CTIF: variants seen among roughly 807,000 people sequenced by gnomAD.
CTIF encodes the protein cap binding complex dependent translation initiation factor, also known as CBP80/20-dependent translation initiation factor.
CTIF carries 21 observed loss-of-function variants against 66.0 expected under a neutral mutation model. That is an observed-to-expected ratio of 0.32 (90% confidence interval 0.23 to 0.46). The LOEUF (loss-of-function observed/expected upper bound fraction) is 0.46. CTIF is among the 20% of genes least tolerant of loss of function. CTIF has a pLI of 1.00. For synonymous variants in CTIF, 345 were observed against 326.4 expected (o/e 1.06, Z -0.62); for missense variants, 739 against 812.7 (o/e 0.91, Z 1.10).
chr18:48,681,759 C>A lies in CTIF; in HGVS notation c.507+11015C>A, dbSNP rs1022794786. On this transcript the variant is annotated intron_variant, in intron 6 of 11. Transcript: ENST00000256413. ...CCCACCTCATCCACCTGCCTGCCTG[C>A]CCCACACCTGGTTTTTGTTTGTTTG... is the stretch of plus-strand genomic sequence containing the variant. Among the ~76,000 whole-genome samples the A allele has an allele frequency of 5.3e-5, 8 of 152,028 alleles. No individual in the cohort carries two copies. The East Asian group carries it at 1.5e-3, about 29-fold the overall frequency.
At chr18:48,768,074 C>T (rs1306319618) in intron 9 of CTIF, among the ~76,000 whole-genome samples, 6 of 152,086 alleles carry the variant, frequency 3.9e-5, no homozygotes, top group African/African-American at 1.4e-4. Context: ...TGTTTTCAGG[C>T]TTGGGAAGAA....
chr18:48,695,911 C>A lies in CTIF; in HGVS notation c.508-15708C>A, dbSNP rs530101620. Reference sequence around the variant, plus strand: ...TCCTGCCATTGTTGGGCTGTCTCCTCCGCATGTGACTCGGCTCAAAGATGC... The same window carrying A: ...TCCTGCCATTGTTGGGCTGTCTCCTACGCATGTGACTCGGCTCAAAGATGC... On this transcript the variant is annotated intron_variant, in intron 6 of 11. Coordinates refer to ENST00000256413, the MANE Select transcript of CTIF (RefSeq NM_014772.3). 4.6e-5 allele frequency among the ~76,000 whole-genome samples: 7 copies of A among 152,352 alleles called. 1 individual carries two copies. In the South Asian group the frequency reaches 1.5e-3, roughly 32 times the overall value.
chr18:48,653,005 A>C (rs1270357837), intron 3 of CTIF, among the ~76,000 whole-genome samples: 1 of 152,200 alleles, frequency 6.6e-6, no homozygotes, highest in Non-Finnish European at 1.5e-5. Flanking sequence ...ATCTATGACA[A>C]ACCCACAGCC....
intron 1 of CTIF, among the ~76,000 whole-genome samples, chr18:48,619,274 CTGCACAG>C (rs1426518985): frequency 6.6e-6 from 1 of 152,244 alleles, no homozygotes. Flanking sequence ...AACTCTGACA[CTGCACAG>C]TGCCTGTGCT....
intron 6 of CTIF, among the ~76,000 whole-genome samples, chr18:48,681,091 C>T (rs957790559): frequency 3.3e-5 from 5 of 152,258 alleles, no homozygotes; most frequent in African/African-American, 1.2e-4. Flanking sequence ...GTTTTTCCAG[C>T]ATTGCAGCGG....
chr18:48,750,701 G>A (rs1388944141), intron 7 of CTIF, among the ~76,000 whole-genome samples: 8 of 152,180 alleles, frequency 5.3e-5, no homozygotes, highest in African/African-American at 1.9e-4. Flanking sequence ...GCCCTCCCAG[G>A]CTCTCCCCTC....
At chr18:48,805,127 T>A (rs1020650319) in intron 9 of CTIF, among the ~76,000 whole-genome samples, 5 of 152,206 alleles carry the variant, frequency 3.3e-5, no homozygotes, top group Non-Finnish European at 4.4e-5. Flanking sequence ...GGTAACCTGA[T>A]GTGTCACAGT....
chr18:48,730,355 T>TGTGTGAGGGGCCCCTGCG (rs1568171203), intron 7 of CTIF, among the ~76,000 whole-genome samples: 1 of 36,070 alleles, frequency 2.8e-5, no homozygotes, highest in East Asian at 2.5e-3. Flanking sequence ...GGGCTCCTGC[T>TGTGTGAGGGGCCCCTGCG]GTGTGAGGGG....
intron 7 of CTIF, among the ~76,000 whole-genome samples, chr18:48,739,666 C>T (rs73429479): frequency 0.017 from 2,571 of 152,334 alleles, 65 homozygotes; most frequent in African/African-American, 0.058. Context: ...TTCAAAATGG[C>T]GGCCCGGCAG....
chr18:48,784,483 G>T (rs1479038289), intron 9 of CTIF, among the ~76,000 whole-genome samples: 1 of 152,164 alleles, frequency 6.6e-6, no homozygotes. Context: ...TGCCCTACCT[G>T]GTCGGAGGGA....
At chr18:48,626,697 C>T (rs1217039061) in intron 2 of CTIF, among the ~76,000 whole-genome samples, 9 of 120,724 alleles carry the variant, frequency 7.5e-5, no homozygotes, top group African/African-American at 2.1e-4. Flanking sequence ...CTCTTGTTGT[C>T]GAGGCTGGAG....
chr18:48,802,253 G>C (rs2068063081), intron 9 of CTIF, among the ~76,000 whole-genome samples: 1 of 152,210 alleles, frequency 6.6e-6, no homozygotes, highest in Non-Finnish European at 1.5e-5. Context: ...TTTCCACAGA[G>C]AGCTTCATGT....
In CTIF at chr18:48,761,413, C is replaced by T. The variant is rs746688468; in HGVS notation, c.1095C>T (p.Thr365=). 23 of 1,613,568 alleles carry T rather than the reference C, an allele frequency of 1.4e-5. No individual in the cohort carries two copies. The highest frequency in any genetic ancestry group is 1.9e-5 in the Non-Finnish European group (22 of 1,179,856). ...KEKDEVAVET[T]TPQQNKMDKL... The stretch of plus-strand genomic sequence containing the variant: ...AGGATGAAGTGGCCGTGGAGACGAC[C>T]ACTCCCCAGCAGAACAAGATGGACA... The change falls in exon 9 of 12, where the codon ACC becomes ACT. Residue 365 remains threonine, a synonymous_variant. Transcript: ENST00000256413. The surrounding 1 kb of genome is among the most constrained non-coding windows in gnomAD (Gnocchi z 4.2).
chr18:48,793,249 G>A (rs959388627), intron 9 of CTIF, among the ~76,000 whole-genome samples: 3 of 152,192 alleles, frequency 2.0e-5, no homozygotes, highest in Admixed American at 2.0e-4. Context: ...CTCCTGCCAG[G>A]GAGAAGCAGG....
intron 6 of CTIF, among the ~76,000 whole-genome samples, chr18:48,701,197 ACT>A (rs991457035): frequency 5.3e-5 from 8 of 150,752 alleles, no homozygotes; most frequent in African/African-American, 2.0e-4. Flanking sequence ...CAGAATGGAA[ACT>A]CTCATTCCTC....
intron 5 of CTIF, among the ~76,000 whole-genome samples, chr18:48,668,136 A>C (rs1262636238): frequency 6.6e-6 from 1 of 152,208 alleles, no homozygotes; most frequent in African/African-American, 2.4e-5. Context: ...GCCTCGTGGG[A>C]CAGCAGCCCT....
At chr18:48,582,187 G>A (rs565150541) in intron 1 of CTIF, among the ~76,000 whole-genome samples, 27 of 152,172 alleles carry the variant, frequency 1.8e-4, no homozygotes, top group Admixed American at 1.2e-3. Context: ...AGACTTGGCC[G>A]AGACAGCTGC....
intron 6 of CTIF, among the ~76,000 whole-genome samples, chr18:48,692,249 G>A (rs912278826): frequency 1.3e-5 from 2 of 151,818 alleles, no homozygotes; most frequent in Admixed American, 1.3e-4. Context: ...CTGGAGGTCT[G>A]GAAACAAAGG....
intron 5 of CTIF, among the ~76,000 whole-genome samples, chr18:48,669,793 T>TTATATTTA (rs2091494659): frequency 1.9e-4 from 9 of 47,260 alleles, no homozygotes; most frequent in African/African-American, 7.6e-4. Context: ...AGCTAAACAT[T>TTATATTTA]TATATATATA....
Sources: allele counts gnomAD v4.1 joint callset (sites outside exome capture counted in the v4.1 genomes callset), GRCh38; gene constraint gnomAD v4.1.1; non-coding constraint Gnocchi (gnomAD v3.1); transcripts MANE v1.5; gene names NCBI Gene and HGNC (gene_info 2026-07-23, HGNC 2026-07-21).